Variants in RPS6KA3 observed in about 807,000 individuals in gnomAD.
The protein encoded by RPS6KA3 is ribosomal protein S6 kinase alpha-3.
RPS6KA3 carries 4 observed loss-of-function variants against 67.2 expected under a neutral mutation model. That is an observed-to-expected ratio of 0.06 (90% CI 0.03 to 0.14). The LOEUF is 0.14. RPS6KA3 is among the 10% of genes least tolerant of loss of function. The pLI is 1.00. For missense variants in RPS6KA3, 204 were observed against 559.0 expected (o/e 0.36, Z 6.40); for synonymous variants, 182 against 183.7 (o/e 0.99, Z 0.07).
At position 20,254,031 on chromosome X, in the gene RPS6KA3, AT is replaced by A. The variant is rs1407625499; in HGVS notation, c.69+12532del. On this transcript the variant is annotated intron_variant, in intron 1 of 21. Coordinates refer to ENST00000379565, the MANE Select transcript of RPS6KA3 (RefSeq NM_004586.3). Reference sequence around the variant, plus strand: ...ATGACATTTCTCTAAGGATTACTTAATATGAACATCCATTTTGATAGCTATT... The same window carrying A: ...ATGACATTTCTCTAAGGATTACTTAAATGAACATCCATTTTGATAGCTATT... Among the ~76,000 whole-genome samples, 76 of 112,154 alleles carry A rather than the reference AT, an allele frequency of 6.8e-4. 1 individual carries two copies. In the South Asian group the frequency reaches 0.027, roughly 39 times the overall value.
chrX:20,222,467 T>G (rs1444559293), intron 2 of RPS6KA3, among the ~76,000 whole-genome samples: 1 of 111,543 alleles, frequency 9.0e-6, no homozygotes, highest in East Asian at 2.8e-4. Flanking sequence ...CCTTTCATAT[T>G]TAACCCCTCA....
At chrX:20,264,889 CAA>C (rs2070331062) in intron 1 of RPS6KA3, among the ~76,000 whole-genome samples, 1 of 111,875 alleles carries the variant, frequency 8.9e-6, no homozygotes, top group Non-Finnish European at 1.9e-5. Context: ...TTATTTAATG[CAA>C]AAAATTTTCT....
intron 1 of RPS6KA3, among the ~76,000 whole-genome samples, chrX:20,244,629 G>T (rs754147131): frequency 6.4e-4 from 72 of 112,110 alleles, no homozygotes; most frequent in Non-Finnish European, 1.1e-3. Flanking sequence ...TATTAAATTT[G>T]CAGATAAGAT....
At chrX:20,171,983 A>G (rs970974800) in intron 15 of RPS6KA3, among the ~76,000 whole-genome samples, 3 of 112,291 alleles carry the variant, frequency 2.7e-5, no homozygotes, top group African/African-American at 9.7e-5. Flanking sequence ...AAAGCCCTAT[A>G]GACACTGACG....
At chrX:20,246,280 T>G (rs968084380) in intron 1 of RPS6KA3, among the ~76,000 whole-genome samples, 1 of 110,508 alleles carries the variant, frequency 9.0e-6, no homozygotes, top group African/African-American at 3.3e-5. Context: ...CCATAAAATT[T>G]GGATCCTAAT....
At chrX:20,250,362 A>T (rs1014469377) in intron 1 of RPS6KA3, among the ~76,000 whole-genome samples, 3 of 110,963 alleles carry the variant, frequency 2.7e-5, no homozygotes, top group Non-Finnish European at 3.8e-5. Context: ...CTAATTTTTT[A>T]AAAAATTGTT....
At chrX:20,244,729 T>C (rs2069640358) in intron 1 of RPS6KA3, among the ~76,000 whole-genome samples, 1 of 112,552 alleles carries the variant, frequency 8.9e-6, no homozygotes, top group Non-Finnish European at 1.9e-5. Flanking sequence ...AGCATCTAGC[T>C]ATGCTCATTT....
chrX:20,253,436 G>A (rs111559427), intron 1 of RPS6KA3, among the ~76,000 whole-genome samples: 5 of 110,981 alleles, frequency 4.5e-5, no homozygotes, highest in African/African-American at 1.3e-4. Flanking sequence ...GGATATATGG[G>A]AGGTGACAGG....
intron 15 of RPS6KA3, among the ~76,000 whole-genome samples, chrX:20,170,763 C>A (rs1439110716): frequency 2.7e-5 from 3 of 109,407 alleles, no homozygotes; most frequent in African/African-American, 1.0e-4. Flanking sequence ...AGGCACATAC[C>A]ACTACACTCA....
At chrX:20,162,433 C>T (rs971122104) in intron 19 of RPS6KA3, among the ~76,000 whole-genome samples, 2 of 107,225 alleles carry the variant, frequency 1.9e-5, no homozygotes, top group African/African-American at 6.8e-5. Context: ...ATAAATAGCA[C>T]ATTATAAAAA....
intron 20 of RPS6KA3, among the ~76,000 whole-genome samples, chrX:20,160,981 T>A: frequency 9.0e-6 from 1 of 111,700 alleles, no homozygotes; most frequent in East Asian, 2.8e-4. Context: ...TTTTAAAGAA[T>A]TCTCTATGAA....
chrX:20,218,725 A>G, intron 2 of RPS6KA3: 1 of 702,437 alleles, frequency 1.4e-6, no homozygotes, highest in Non-Finnish European at 2.2e-6. Flanking sequence ...ATAAAACGAA[A>G]TAACTAATTA....
chrX:20,261,356 C>T (rs1487063867), intron 1 of RPS6KA3, among the ~76,000 whole-genome samples: 2 of 111,968 alleles, frequency 1.8e-5, no homozygotes, highest in East Asian at 5.5e-4. Context: ...CCCAAATACC[C>T]TGATGTGATC....
At chrX:20,259,864 G>A (rs1441340301) in intron 1 of RPS6KA3, among the ~76,000 whole-genome samples, 1 of 110,892 alleles carries the variant, frequency 9.0e-6, no homozygotes, top group East Asian at 2.8e-4. Context: ...TTTGGAGGGG[G>A]GTGATTCTTG....
chrX:20,186,463 C>T (rs2067984059), intron 9 of RPS6KA3, 97 bp from the exon 10 acceptor site: 1 of 551,353 alleles, frequency 1.8e-6, no homozygotes, highest in African/African-American at 2.4e-5. Context: ...TTAATTATAA[C>T]CAAATATTCT....
chrX:20,213,222 T>C (rs1346501842), intron 2 of RPS6KA3, among the ~76,000 whole-genome samples: 1 of 112,081 alleles, frequency 8.9e-6, no homozygotes, highest in Non-Finnish European at 1.9e-5. Context: ...ACATTGGTAA[T>C]AAACAGTGGC....
At chrX:20,232,546 T>C (rs892873482) in intron 2 of RPS6KA3, among the ~76,000 whole-genome samples, 20 of 111,458 alleles carry the variant, frequency 1.8e-4, no homozygotes, top group African/African-American at 6.2e-4. Flanking sequence ...CACTCCAGCC[T>C]GGATGACAGA....
At position 20,164,703 on chromosome X, in the gene RPS6KA3, T is replaced by C. The variant is rs1339893781; in HGVS notation, c.1764+196A>G. 3.6e-5 allele frequency among the ~76,000 whole-genome samples: 4 copies of C among 111,641 alleles called. No homozygotes were observed. In the East Asian group the frequency reaches 8.4e-4, roughly 24 times the overall value. ...CCCTGCCTCAAGGGCTTTTATAATA[T>C]GTTAAGAAATTTAGATTCTTCTGTA... On this transcript the variant is annotated intron_variant, in intron 18 of 21. Transcript: ENST00000379565.
chrX:20,167,609 C>T lies in RPS6KA3; in HGVS notation c.1582G>A (p.Glu528Lys). 1 of 1,210,775 alleles carries T rather than the reference C, an allele frequency of 8.3e-7. No homozygotes were observed. Among genetic ancestry groups the T allele is most frequent in the Non-Finnish European group, 1.1e-6 (1 of 894,747 alleles). Residue 528 changes from glutamate (E) to lysine (K), a missense_variant, in exon 17 of 22, where the codon GAA becomes AAA. Transcript: ENST00000379565. ...AVLFTITKTV[E>K]YLHAQGVVHR... ...CTTACCCCTTGTGCGTGAAGATATT[C>T]AACGGTTTTAGTTATAGTGAACAGG...
Sources: allele counts gnomAD v4.1 joint callset (sites outside exome capture counted in the v4.1 genomes callset), GRCh38; gene constraint gnomAD v4.1.1; transcripts MANE v1.5; gene names NCBI Gene and HGNC (gene_info 2026-07-23, HGNC 2026-07-21).